CARMIL1: variants seen among roughly 807,000 people sequenced by gnomAD.
The protein encoded by CARMIL1 is F-actin-uncapping protein LRRC16A.
CARMIL1 carries 90 observed loss-of-function variants against 177.1 expected under a neutral mutation model. The ratio of observed to expected loss-of-function variants is 0.51; its 90% CI spans 0.43 to 0.61. CARMIL1 has a LOEUF of 0.61. Among genes scored for constraint, CARMIL1 ranks in the 20% least tolerant of loss-of-function variants. The pLI is 0.00. For missense variants in CARMIL1, 1,380 were observed against 1,667.0 expected, an observed-to-expected ratio of 0.83 and a Z score of 3.00; for synonymous variants, 577 against 606.2, an observed-to-expected ratio of 0.95 and a Z score of 0.71.
intron 8 of CARMIL1, among the ~76,000 whole-genome samples, chr6:25,463,227 ATTTC>A (rs1245204372): frequency 2.0e-5 from 3 of 152,186 alleles, no homozygotes; most frequent in Admixed American, 6.5e-5. Flanking sequence ...ATTTGGCTAT[ATTTC>A]TTTCTTTTTT....
chr6:25,465,071 C>CAAAAAAA (rs558022196), intron 8 of CARMIL1, among the ~76,000 whole-genome samples: 185 of 61,664 alleles, frequency 3.0e-3, no homozygotes, highest in African/African-American at 3.5e-3. Context: ...AGAACTAAAG[C>CAAAAAAA]AAAAAAAAAA....
chr6:25,417,156 C>T (rs1268092657), intron 2 of CARMIL1, among the ~76,000 whole-genome samples: 1 of 152,130 alleles, frequency 6.6e-6, no homozygotes, highest in Non-Finnish European at 1.5e-5. Context: ...GCTGGATGCA[C>T]TGTGGAGCTT....
intron 5 of CARMIL1, among the ~76,000 whole-genome samples, chr6:25,444,738 G>A (rs76417859): frequency 0.056 from 8,598 of 152,212 alleles, 276 homozygotes; most frequent in Admixed American, 0.075. Flanking sequence ...ATTCCATGGA[G>A]TATATGCACT....
rs537671470 is a variant in CARMIL1, at chr6:25,416,198, G to A, written c.139-3916G>A. Among the ~76,000 whole-genome samples, 50 of 152,238 alleles carry A rather than the reference G, an allele frequency of 3.3e-4. 1 individual carries two copies. Among genetic ancestry groups the A allele is most frequent in the African/African-American group, 1.1e-3 (47 of 41,540 alleles). On this transcript the variant is annotated intron_variant, in intron 2 of 36. Transcript: ENST00000329474. ...ATATCCAAACATCTCTCATTGTACT[G>A]CTGGTCATTTTACGTGTTTGCTTCT...
At chr6:25,542,946 G>C (rs1230039613) in intron 26 of CARMIL1, among the ~76,000 whole-genome samples, 1 of 152,108 alleles carries the variant, frequency 6.6e-6, no homozygotes, top group Non-Finnish European at 1.5e-5. Context: ...AATTTTCCTA[G>C]TTAAAAATTT....
chr6:25,444,167 G>A (rs1798009622), intron 5 of CARMIL1, among the ~76,000 whole-genome samples: 1 of 152,080 alleles, frequency 6.6e-6, no homozygotes, highest in South Asian at 2.1e-4. Flanking sequence ...TCTTTCATGA[G>A]TGATTTCTCT....
chr6:25,285,123 G>C (rs935792568), intron 2 of CARMIL1, among the ~76,000 whole-genome samples: 1 of 152,148 alleles, frequency 6.6e-6, no homozygotes, highest in Non-Finnish European at 1.5e-5. Context: ...CTTTTAGATT[G>C]TATTTCTCAA....
chr6:25,583,652 A>G (rs1813345850), intron 31 of CARMIL1, among the ~76,000 whole-genome samples: 2 of 152,328 alleles, frequency 1.3e-5, no homozygotes, highest in South Asian at 4.1e-4. Flanking sequence ...TCTCATTTGA[A>G]TCCAAATAGC....
At chr6:25,352,152 T>TAA (rs71744522) in intron 2 of CARMIL1, among the ~76,000 whole-genome samples, 1 of 144,100 alleles carries the variant, frequency 6.9e-6, no homozygotes, top group Non-Finnish European at 1.5e-5. Context: ...TTGGATACAG[T>TAA]AAAAAAAAAA....
chr6:25,610,062 A>T lies in CARMIL1; in HGVS notation c.3860A>T (p.Asp1287Val), dbSNP rs747166917. ...TGTGTCTCCTTAGATGACATTCCAG[A>T]CTCTCCATCTAGCCCGAAAGTTGCC... ...RTASRPDDIPDSPSSPKVALL... is the reference protein window; with the variant it reads ...RTASRPDDIPVSPSSPKVALL... The change falls in exon 36 of 37, where the codon GAC (aspartate) becomes GTC (valine). Residue 1287 changes from aspartate (D) to valine (V), a missense_variant. Transcript: ENST00000329474. 1 of 1,613,668 alleles carries T rather than the reference A, an allele frequency of 6.2e-7. No individual in the cohort carries two copies. The highest frequency in any genetic ancestry group is 8.5e-7 in the Non-Finnish European group (1 of 1,179,780).
intron 11 of CARMIL1, among the ~76,000 whole-genome samples, chr6:25,475,350 A>G (rs1484134450): frequency 2.0e-5 from 3 of 151,944 alleles, no homozygotes; most frequent in Non-Finnish European, 4.4e-5. Context: ...GCAGTGAGCC[A>G]AGATCGAGCC....
Position 25,515,609 on chromosome 6 carries a change from T to C in CARMIL1, c.1633-66T>C, listed in dbSNP as rs536444224. The C allele has an allele frequency of 1.3e-4, 191 of 1,418,496 alleles. No individual in the cohort carries two copies. In the African/African-American group the frequency reaches 2.5e-3, roughly 18 times the overall value. 87.9% of individuals were successfully genotyped at this position (1,418,496 alleles called of 1,614,324 possible). On this transcript the variant is annotated intron_variant, in intron 20 of 36. Coordinates refer to ENST00000329474, the MANE Select transcript of CARMIL1 (RefSeq NM_017640.6). The surrounding 1 kb of genome is among the most constrained non-coding windows in gnomAD (Gnocchi z 5.0). ...CCATCCCCTCTCATTCTCCACGAAA[T>C]GCGTCGTGGAGAGTGGGTGCTGCTT...
At chr6:25,312,330 C>T (rs2150209442) in intron 2 of CARMIL1, among the ~76,000 whole-genome samples, 1 of 152,306 alleles carries the variant, frequency 6.6e-6, no homozygotes. Context: ...TTCCCCAAGA[C>T]AAGAGACCTG....
chr6:25,418,365 A>G (rs982747484), intron 2 of CARMIL1, among the ~76,000 whole-genome samples: 7 of 152,088 alleles, frequency 4.6e-5, no homozygotes, highest in African/African-American at 1.4e-4. Context: ...CCTTATTGTT[A>G]TCGTCTTGAA....
intron 17 of CARMIL1, among the ~76,000 whole-genome samples, chr6:25,506,941 C>T (rs1267435681): frequency 1.3e-5 from 2 of 152,070 alleles, no homozygotes; most frequent in African/African-American, 4.8e-5. Flanking sequence ...ATAACTTTTT[C>T]CTTAGAATTA....
chr6:25,401,158 G>A (rs538654178), intron 2 of CARMIL1, among the ~76,000 whole-genome samples: 4 of 151,800 alleles, frequency 2.6e-5, no homozygotes, highest in South Asian at 4.2e-4. Flanking sequence ...TTATTTTAAC[G>A]GTTCACATTT....
chr6:25,339,244 T>C (rs1239343333), intron 2 of CARMIL1, among the ~76,000 whole-genome samples: 2 of 152,216 alleles, frequency 1.3e-5, no homozygotes, highest in Admixed American at 6.5e-5. Flanking sequence ...TGAGTCCTCT[T>C]GCGAAGTCAT....
intron 2 of CARMIL1, among the ~76,000 whole-genome samples, chr6:25,340,777 G>GTTTTTTGTTTTTTTTTT (rs1554167803): frequency 1.2e-5 from 1 of 86,136 alleles, no homozygotes; most frequent in African/African-American, 4.0e-5. Flanking sequence ...GTCAATGAAG[G>GTTTTTTGTTTTTTTTTT]TTTTTTTTTT....
At chr6:25,563,440 A>C in intron 29 of CARMIL1, 1 of 985,408 alleles carries the variant, frequency 1.0e-6, no homozygotes, top group Non-Finnish European at 1.2e-6. Flanking sequence ...GAACCTGCCT[A>C]AAGAGGAAGA....
Sources: allele counts gnomAD v4.1 joint callset (sites outside exome capture counted in the v4.1 genomes callset), GRCh38; gene constraint gnomAD v4.1.1; non-coding constraint Gnocchi (gnomAD v3.1); transcripts MANE v1.5; gene names NCBI Gene and HGNC (gene_info 2026-07-23, HGNC 2026-07-21).